Variants in TESK2 observed in about 807,000 individuals in gnomAD.
TESK2 encodes the protein testis associated actin remodelling kinase 2, also known as dual specificity testis-specific protein kinase 2.
In TESK2, 39 loss-of-function variants were observed where a neutral mutation model predicts 57.1. The observed-to-expected ratio is 0.68, with a 90% confidence interval of 0.53 to 0.89. TESK2 has a LOEUF of 0.89. TESK2 is among the 40% of genes least tolerant of loss of function. The pLI, the probability that TESK2 is intolerant of heterozygous loss-of-function variation, is 0.00. For missense variants in TESK2, 646 were observed against 732.1 expected (o/e 0.88, Z 1.36); for synonymous variants, 249 against 267.9 (o/e 0.93, Z 0.69).
At position 45,377,906 on chromosome 1, in the gene TESK2, G is replaced by C. The variant is rs1241302277; in HGVS notation, c.393+8006C>G. The stretch of plus-strand genomic sequence containing the variant: ...CTGGGTGTGGTGGTGTGCGCCTGTA[G>C]TCCCAGCCACTTGGGAGGCTAAAGC... On this transcript the variant is annotated intron_variant, in intron 4 of 10. Transcript: ENST00000372086. Among the ~76,000 whole-genome samples the C allele has an allele frequency of 2.0e-5, 3 of 151,946 alleles. No individual in the cohort carries two copies. The East Asian group carries it at 5.9e-4, about 30-fold the overall frequency.
intron 2 of TESK2, among the ~76,000 whole-genome samples, chr1:45,449,961 A>G (rs1055794169): frequency 2.0e-5 from 3 of 152,196 alleles, no homozygotes; most frequent in Admixed American, 2.0e-4. Context: ...AGACAGAACA[A>G]TGGAATAAAA....
intron 1 of TESK2, among the ~76,000 whole-genome samples, chr1:45,478,183 T>G (rs924660689): frequency 6.6e-6 from 1 of 152,228 alleles, no homozygotes; most frequent in African/African-American, 2.4e-5. Context: ...CACACTTCAA[T>G]ATCTATGCAT....
chr1:45,365,371 A>G (rs898762380), intron 4 of TESK2, among the ~76,000 whole-genome samples: 4 of 152,240 alleles, frequency 2.6e-5, no homozygotes, highest in African/African-American at 4.8e-5. Flanking sequence ...TTCTAGCCAC[A>G]GAGTAAAACG....
intron 3 of TESK2, among the ~76,000 whole-genome samples, chr1:45,406,691 A>G (rs1402938955): frequency 6.6e-6 from 1 of 151,578 alleles, no homozygotes; most frequent in South Asian, 2.1e-4. Flanking sequence ...TCAAAACCCA[A>G]CTCCTCTTCA....
At chr1:45,461,530 A>G (rs1203439974) in intron 1 of TESK2, among the ~76,000 whole-genome samples, 2 of 152,240 alleles carry the variant, frequency 1.3e-5, no homozygotes, top group Admixed American at 1.3e-4. Context: ...ATTATTACTT[A>G]GCTCAGTATT....
chr1:45,374,260 A>G (rs1451439239), intron 4 of TESK2, among the ~76,000 whole-genome samples: 1 of 152,154 alleles, frequency 6.6e-6, no homozygotes, highest in African/African-American at 2.4e-5. Flanking sequence ...CATTTACCCA[A>G]CAAATATTTA....
At chr1:45,424,080 T>C (rs1650588855) in intron 2 of TESK2, among the ~76,000 whole-genome samples, 1 of 152,208 alleles carries the variant, frequency 6.6e-6, no homozygotes, top group Non-Finnish European at 1.5e-5. Flanking sequence ...GACTTTACTA[T>C]GCAAAAATGT....
chr1:45,453,834 A>G (rs1651968866), intron 2 of TESK2, among the ~76,000 whole-genome samples: 1 of 152,170 alleles, frequency 6.6e-6, no homozygotes, highest in South Asian at 2.1e-4. Flanking sequence ...TATAAATACA[A>G]TGCAATTCAA....
intron 4 of TESK2, among the ~76,000 whole-genome samples, chr1:45,370,654 G>A (rs1245614746): frequency 6.6e-6 from 1 of 152,192 alleles, no homozygotes; most frequent in Non-Finnish European, 1.5e-5. Context: ...GGGCCAGGGG[G>A]GATGAAGAGG....
rs147717979 is a variant in TESK2 at position 45,364,843 on chromosome 1, C to T, written c.394-9394G>A. ...ATTCCAAATTGAAAGGTTCAGACAG[C>T]AATGGAAAAAGATTTCAGAATCTTA... On this transcript the variant is annotated intron_variant, in intron 4 of 10. Transcript: ENST00000372086. 3.2e-3 allele frequency among the ~76,000 whole-genome samples: 494 copies of T among 152,198 alleles called. 3 individuals carry two copies. The highest frequency in any genetic ancestry group is 5.8e-3 in the Non-Finnish European group (397 of 67,994).
In TESK2 at chr1:45,358,838, A is replaced by T. The variant is rs907525633; in HGVS notation, c.394-3389T>A. Among the ~76,000 whole-genome samples, 6 of 152,086 alleles carry T rather than the reference A, an allele frequency of 3.9e-5. 1 individual carries two copies. Among genetic ancestry groups the T allele is most frequent in the African/African-American group, 1.4e-4 (6 of 41,388 alleles). ...GTTATTAAGTGGCAGAGACTGGCAGACTCTGCAGTCTGGCTCCAGAGTCCA... is the reference window on the plus strand; with the variant it reads ...GTTATTAAGTGGCAGAGACTGGCAGTCTCTGCAGTCTGGCTCCAGAGTCCA... On this transcript the variant is annotated intron_variant, in intron 4 of 10. Transcript: ENST00000372086.
At chr1:45,479,436 T>TC (rs1653122768) in intron 1 of TESK2, among the ~76,000 whole-genome samples, 1 of 150,320 alleles carries the variant, frequency 6.7e-6, no homozygotes. Context: ...AAAAAAAAAT[T>TC]TTTTTTTTTT....
chr1:45,389,668 G>A (rs1469174941), intron 3 of TESK2, among the ~76,000 whole-genome samples: 2 of 152,186 alleles, frequency 1.3e-5, no homozygotes, highest in Non-Finnish European at 2.9e-5. Context: ...CTAGAGCACA[G>A]GGATATCTCT....
intron 9 of TESK2, among the ~76,000 whole-genome samples, 178 bp from the exon 10 acceptor site, chr1:45,346,172 A>G (rs375200099): frequency 2.8e-4 from 42 of 152,324 alleles, no homozygotes; most frequent in African/African-American, 1.0e-3. Context: ...ACTACTGTCT[A>G]CTACCCTCCC....
At chr1:45,366,593 T>C (rs1288549504) in intron 4 of TESK2, among the ~76,000 whole-genome samples, 1 of 152,160 alleles carries the variant, frequency 6.6e-6, no homozygotes, top group African/African-American at 2.4e-5. Context: ...CATCACACTG[T>C]ACTATAACAT....
intron 1 of TESK2, among the ~76,000 whole-genome samples, chr1:45,469,309 T>C (rs1652674005): frequency 6.6e-6 from 1 of 152,220 alleles, no homozygotes; most frequent in Non-Finnish European, 1.5e-5. Context: ...GTCTGAAATA[T>C]GCTTCTGGAA....
intron 3 of TESK2, among the ~76,000 whole-genome samples, chr1:45,393,465 G>A (rs1649227962): frequency 1.3e-5 from 2 of 152,158 alleles, no homozygotes; most frequent in South Asian, 2.1e-4. Context: ...AAGAGCGGCC[G>A]GGCATAGTGG....
At chr1:45,350,531 T>C (rs1380519834) in intron 5 of TESK2, among the ~76,000 whole-genome samples, 2 of 152,202 alleles carry the variant, frequency 1.3e-5, no homozygotes, top group African/African-American at 2.4e-5. Context: ...AAGATTCTAC[T>C]GAAAGACTGA....
intron 1 of TESK2, among the ~76,000 whole-genome samples, chr1:45,471,665 C>T (rs566174843): frequency 5.6e-4 from 85 of 152,134 alleles, no homozygotes; most frequent in African/African-American, 1.9e-3. Context: ...CTCAGCCTCC[C>T]AAAGTGCTGA....
Sources: allele counts gnomAD v4.1 joint callset (sites outside exome capture counted in the v4.1 genomes callset), GRCh38; gene constraint gnomAD v4.1.1; transcripts MANE v1.5; gene names NCBI Gene and HGNC (gene_info 2026-07-23, HGNC 2026-07-21).